ST6GALNAC3: variants seen among roughly 807,000 people sequenced by gnomAD.
ST6GALNAC3 encodes alpha-N-acetylgalactosaminide alpha-2,6-sialyltransferase 3.
Under a neutral mutation model 32.7 loss-of-function variants are expected in ST6GALNAC3, and 25 were observed. The observed-to-expected ratio is 0.76, with a 90% CI of 0.56 to 1.07. ST6GALNAC3 has a LOEUF of 1.07. ST6GALNAC3 is among the 50% of genes least tolerant of loss of function. The pLI, the probability that ST6GALNAC3 is intolerant of heterozygous loss-of-function variation, is 0.00. For missense variants in ST6GALNAC3, 355 were observed against 382.4 expected (o/e 0.93, Z 0.60); for synonymous variants, 129 against 133.1 (o/e 0.97, Z 0.21).
intron 2 of ST6GALNAC3, among the ~76,000 whole-genome samples, chr1:76,360,516 A>C (rs1649844873): frequency 2.0e-5 from 3 of 152,076 alleles, no homozygotes; most frequent in Admixed American, 6.6e-5. Context: ...AATTTCAAAT[A>C]TTTTCTACCC....
chr1:76,420,048 C>T (rs1463013619), intron 3 of ST6GALNAC3, among the ~76,000 whole-genome samples: 2 of 151,042 alleles, frequency 1.3e-5, no homozygotes, highest in Admixed American at 6.6e-5. Flanking sequence ...GTGCTCCGAG[C>T]GGAGAGAGAA....
At chr1:76,112,344 G>A (rs1271189428) in intron 1 of ST6GALNAC3, among the ~76,000 whole-genome samples, 16 of 135,506 alleles carry the variant, frequency 1.2e-4, no homozygotes, top group Non-Finnish European at 1.9e-4. Context: ...CTCACCTCCC[G>A]GACGGGGCGG....
chr1:76,098,628 A>G (rs1214544289), intron 1 of ST6GALNAC3, among the ~76,000 whole-genome samples: 1 of 151,762 alleles, frequency 6.6e-6, no homozygotes, highest in Non-Finnish European at 1.5e-5. Flanking sequence ...GTTCTCTTTT[A>G]CCTTTTAGGG....
rs542350242 is a variant in ST6GALNAC3 at position 76,252,173 on chromosome 1, C to T, written c.19-61632C>T. Among the ~76,000 whole-genome samples, 300 of 152,220 alleles carry T rather than the reference C, an allele frequency of 2.0e-3. 1 individual carries two copies. The highest frequency in any genetic ancestry group is 7.0e-3 in the African/African-American group (291 of 41,560). ...GCCATCCCTGGAGTGGCTCATCTGA[C>T]CCTGTATACGATGTTCGTTTGGATG... is the stretch of plus-strand genomic sequence containing the variant. On this transcript the variant is annotated intron_variant, in intron 1 of 4. Transcript: ENST00000328299.
chr1:76,475,454 G>A (rs1659290039), intron 3 of ST6GALNAC3, among the ~76,000 whole-genome samples: 1 of 152,070 alleles, frequency 6.6e-6, no homozygotes, highest in African/African-American at 2.4e-5. Flanking sequence ...GTTACTAAGT[G>A]GTAACTATAG....
At chr1:76,463,140 A>C (rs769166016) in intron 3 of ST6GALNAC3, among the ~76,000 whole-genome samples, 1 of 152,198 alleles carries the variant, frequency 6.6e-6, no homozygotes, top group Non-Finnish European at 1.5e-5. Context: ...AATAGGAAAA[A>C]CACATAGAAA....
At position 76,610,382 on chromosome 1, in the gene ST6GALNAC3, C is replaced by T. The variant is rs569319324; in HGVS notation, c.624-17070C>T. On this transcript the variant is annotated intron_variant, in intron 3 of 4. Coordinates refer to ENST00000328299, the MANE Select transcript of ST6GALNAC3 (RefSeq NM_152996.4). ...TCAGACAGCCTACCCTGCTTAGAAG[C>T]AATCATTCCTTGCTCTTGTCACTCC... Among the ~76,000 whole-genome samples the T allele has an allele frequency of 3.3e-5, 5 of 152,284 alleles. No homozygotes were observed. In the South Asian group the frequency reaches 1.0e-3, roughly 32 times the overall value.
At chr1:76,149,878 A>G (rs1650930648) in intron 1 of ST6GALNAC3, among the ~76,000 whole-genome samples, 1 of 152,194 alleles carries the variant, frequency 6.6e-6, no homozygotes, top group Non-Finnish European at 1.5e-5. Flanking sequence ...ATGCCATTCT[A>G]GGAGTTGTTT....
chr1:76,275,216 A>G (rs1463032141), intron 1 of ST6GALNAC3, among the ~76,000 whole-genome samples: 2 of 152,220 alleles, frequency 1.3e-5, no homozygotes, highest in Non-Finnish European at 1.5e-5. Flanking sequence ...GTAGCACACA[A>G]CATTTAAACC....
intron 2 of ST6GALNAC3, among the ~76,000 whole-genome samples, chr1:76,346,106 T>A (rs1648489449): frequency 6.6e-6 from 1 of 152,008 alleles, no homozygotes; most frequent in Non-Finnish European, 1.5e-5. Context: ...AGGGGTATAA[T>A]GTTATTTTAT....
At chr1:76,264,514 CA>C (rs1658422250) in intron 1 of ST6GALNAC3, among the ~76,000 whole-genome samples, 1 of 152,124 alleles carries the variant, frequency 6.6e-6, no homozygotes, top group South Asian at 2.1e-4. Context: ...ATTTGCACTT[CA>C]AATGTCTCTT....
At chr1:76,459,425 G>A (rs35932012) in intron 3 of ST6GALNAC3, among the ~76,000 whole-genome samples, 23,676 of 152,010 alleles carry the variant, frequency 0.16, 2,255 homozygotes, top group South Asian at 0.39. Flanking sequence ...TTAGCCACGC[G>A]TGGTGGCGGG....
At chr1:76,095,781 C>T (rs1030229029) in intron 1 of ST6GALNAC3, among the ~76,000 whole-genome samples, 2 of 152,062 alleles carry the variant, frequency 1.3e-5, no homozygotes, top group Admixed American at 1.3e-4. Flanking sequence ...ATACACTTTC[C>T]TTCCCATCCT....
intron 3 of ST6GALNAC3, among the ~76,000 whole-genome samples, chr1:76,488,090 T>C (rs1257908616): frequency 6.6e-6 from 1 of 152,146 alleles, no homozygotes; most frequent in Non-Finnish European, 1.5e-5. Flanking sequence ...GTCTGGATAT[T>C]TGTCCCTGCC....
At chr1:76,543,551 C>T (rs1281003235) in intron 3 of ST6GALNAC3, among the ~76,000 whole-genome samples, 1 of 152,134 alleles carries the variant, frequency 6.6e-6, no homozygotes, top group Non-Finnish European at 1.5e-5. Context: ...GATATGGGTG[C>T]CGTGTTTCTT....
rs542581484 is a variant in ST6GALNAC3, at chr1:76,521,932, G to T, written c.624-105520G>T. Among the ~76,000 whole-genome samples the T allele has an allele frequency of 2.4e-4, 36 of 152,056 alleles. 1 individual carries two copies. Among genetic ancestry groups the T allele is most frequent in the South Asian group, 2.1e-3 (10 of 4,804 alleles). Reference sequence around the variant, plus strand: ...AAAATACAAAAAATTAGCTGGATGTGGTGGCATGCACCTGTAGTCCCAGCT... The same window carrying T: ...AAAATACAAAAAATTAGCTGGATGTTGTGGCATGCACCTGTAGTCCCAGCT... On this transcript the variant is annotated intron_variant, in intron 3 of 4. Coordinates refer to ENST00000328299, the MANE Select transcript of ST6GALNAC3 (RefSeq NM_152996.4).
Position 76,074,853 on chromosome 1 carries a change from G to T in ST6GALNAC3, c.-14G>T, listed in dbSNP as rs559834613. The T allele has an allele frequency of 5.7e-6, 9 of 1,588,360 alleles. No individual in the cohort carries two copies. The East Asian group carries it at 2.1e-4, about 36-fold the overall frequency. On this transcript the variant is annotated 5_prime_UTR_variant, in exon 1 of 5. Coordinates refer to ENST00000328299, the MANE Select transcript of ST6GALNAC3 (RefSeq NM_152996.4). ...GCGCCCGCTGCTCGGTGGCAGGAGG[G>T]CCGGCGGAGCGCCATGGCCTGCATC... is the stretch of plus-strand genomic sequence containing the variant.
chr1:76,553,411 T>C (rs1485473263), intron 3 of ST6GALNAC3, among the ~76,000 whole-genome samples: 1 of 152,190 alleles, frequency 6.6e-6, no homozygotes, highest in African/African-American at 2.4e-5. Context: ...CAGCCAAGAA[T>C]TTCTGGAGTC....
At position 76,632,850 on chromosome 1, in the gene ST6GALNAC3, T is replaced by C. The variant is rs554462236; in HGVS notation, c.*4044T>C. ...CTAGCCTTTAATGTGACATGTCAAA[T>C]GCAAATAATAAATTATGTTATTCAG... On this transcript the variant is annotated 3_prime_UTR_variant, in exon 5 of 5. Transcript: ENST00000328299. 2 of 152,242 alleles carry C rather than the reference T, an allele frequency of 1.3e-5. No homozygotes were observed. The highest frequency in any genetic ancestry group is 4.8e-5 in the African/African-American group (2 of 41,546). The allele number at this position is 152,242 out of a possible 1,614,324, so 9.4% of individuals were successfully genotyped here.
Sources: allele counts gnomAD v4.1 joint callset (sites outside exome capture counted in the v4.1 genomes callset), GRCh38; gene constraint gnomAD v4.1.1; transcripts MANE v1.5; gene names NCBI Gene and HGNC (gene_info 2026-07-23, HGNC 2026-07-21).